Variants in NXN observed in about 807,000 individuals in gnomAD.
NXN encodes the protein nucleoredoxin 1.
A neutral mutation model predicts 48.6 loss-of-function variants in NXN; 16 were observed. That is an observed-to-expected ratio of 0.33 (90% CI 0.22 to 0.50). NXN has a LOEUF of 0.50. NXN is among the 20% of genes least tolerant of loss of function. NXN has a pLI of 0.98. For synonymous variants in NXN, 281 were observed against 269.6 expected, an observed-to-expected ratio of 1.04 and a Z score of -0.41; for missense variants, 492 against 605.5, an observed-to-expected ratio of 0.81 and a Z score of 1.97.
rs531449441 is a variant in NXN, at chr17:963,430, C to T, written c.360+15889G>A. Among the ~76,000 whole-genome samples, 11 of 152,000 alleles carry T rather than the reference C, an allele frequency of 7.2e-5. No individual in the cohort carries two copies. The South Asian group carries it at 1.9e-3, about 26-fold the overall frequency. ...CCAGCTTGGGCAAAATAGTGAAACCCTCCTCTACAAAAAATAAAAACATCA... is the reference window on the plus strand; with the variant it reads ...CCAGCTTGGGCAAAATAGTGAAACCTTCCTCTACAAAAAATAAAAACATCA... On this transcript the variant is annotated intron_variant, in intron 1 of 7. Coordinates refer to ENST00000336868, the MANE Select transcript of NXN (RefSeq NM_022463.5).
intron 1 of NXN, among the ~76,000 whole-genome samples, chr17:853,655 C>A (rs2067949137): frequency 6.6e-6 from 1 of 150,482 alleles, no homozygotes; most frequent in Non-Finnish European, 1.5e-5. Context: ...CATGTCCAAG[C>A]CCTAGTACTC....
chr17:922,559 C>G (rs1055305915), intron 1 of NXN, among the ~76,000 whole-genome samples: 1 of 152,190 alleles, frequency 6.6e-6, no homozygotes, highest in Admixed American at 6.5e-5. Flanking sequence ...CCCAGTTAGC[C>G]TGAGGTACAG....
chr17:883,599 G>GA (rs2068309163), intron 1 of NXN, among the ~76,000 whole-genome samples: 1 of 152,246 alleles, frequency 6.6e-6, no homozygotes, highest in Non-Finnish European at 1.5e-5. Flanking sequence ...TCTCCATGAA[G>GA]CCAGGTCGAT....
chr17:946,548 C>T (rs1456555498), intron 1 of NXN, among the ~76,000 whole-genome samples: 1 of 152,208 alleles, frequency 6.6e-6, no homozygotes, highest in Non-Finnish European at 1.5e-5. Flanking sequence ...AGTGGGTGTG[C>T]TCAAGACCTG....
intron 5 of NXN, among the ~76,000 whole-genome samples, chr17:816,288 C>A (rs1912468346): frequency 6.6e-6 from 1 of 152,138 alleles, no homozygotes; most frequent in African/African-American, 2.4e-5. Context: ...AAGTACAACC[C>A]ATGTATTTTT....
intron 1 of NXN, among the ~76,000 whole-genome samples, chr17:851,669 C>T (rs1294148584): frequency 3.3e-5 from 5 of 152,208 alleles, no homozygotes; most frequent in South Asian, 2.1e-4. Context: ...TTACAATTTG[C>T]GCCCTCCTCA....
chr17:859,379 T>G (rs2068019122), intron 1 of NXN, among the ~76,000 whole-genome samples: 1 of 152,132 alleles, frequency 6.6e-6, no homozygotes, highest in Non-Finnish European at 1.5e-5. Context: ...TAGGGGAAAT[T>G]TTTGGTTTGG....
chr17:972,566 C>T (rs780105211), intron 1 of NXN, among the ~76,000 whole-genome samples: 36 of 152,200 alleles, frequency 2.4e-4, no homozygotes, highest in Non-Finnish European at 4.3e-4. Context: ...AAGGATCCCA[C>T]CTAGTTCACA....
chr17:970,459 A>G (rs1223359107), intron 1 of NXN, among the ~76,000 whole-genome samples: 3 of 152,062 alleles, frequency 2.0e-5, no homozygotes, highest in Admixed American at 6.5e-5. Context: ...CCCTTAGAAA[A>G]AAAAACACCA....
intron 1 of NXN, among the ~76,000 whole-genome samples, chr17:844,568 G>A (rs2067839001): frequency 6.6e-6 from 1 of 152,092 alleles, no homozygotes; most frequent in African/African-American, 2.4e-5. Context: ...TACGTACAAG[G>A]TTTCTTTTTT....
chr17:916,709 C>G (rs1177354466), intron 1 of NXN, among the ~76,000 whole-genome samples: 1 of 152,134 alleles, frequency 6.6e-6, no homozygotes, highest in African/African-American at 2.4e-5. Flanking sequence ...GAGGCCGAGG[C>G]AGGTGGATCA....
intron 1 of NXN, chr17:908,166 GAGCT>G (rs1567857898): frequency 1.2e-4 from 18 of 151,486 alleles, no homozygotes; most frequent in East Asian, 1.2e-3. Context: ...CAGTAGGGGT[GAGCT>G]ATAAAGGAAG....
In NXN at chr17:956,948, G is replaced by C. The variant is rs931837784; in HGVS notation, c.360+22371C>G. Among the ~76,000 whole-genome samples the C allele has an allele frequency of 3.9e-5, 6 of 152,030 alleles. No individual in the cohort carries two copies. The highest frequency in any genetic ancestry group is 8.8e-5 in the Non-Finnish European group (6 of 68,014). On this transcript the variant is annotated intron_variant, in intron 1 of 7. Transcript: ENST00000336868. The surrounding 1 kb of genome is among the most constrained non-coding windows in gnomAD (Gnocchi z 4.1). ...CCAGCCCTTTTAGAACCAATACCAT[G>C]GTCATCACCCAGAAAAAACTCTAAA...
At chr17:948,493 C>G (rs2069070838) in intron 1 of NXN, among the ~76,000 whole-genome samples, 1 of 152,108 alleles carries the variant, frequency 6.6e-6, no homozygotes, top group Non-Finnish European at 1.5e-5. Flanking sequence ...CTGGGACCAC[C>G]TGCCCACAGG....
rs571227018 is a variant in NXN at position 823,040 on chromosome 17, C to T, written c.613-583G>A. 3.3e-5 allele frequency among the ~76,000 whole-genome samples: 5 copies of T among 151,036 alleles called. No individual in the cohort carries two copies. In the East Asian group the frequency reaches 5.8e-4, roughly 18 times the overall value. On this transcript the variant is annotated intron_variant, in intron 3 of 7. Transcript: ENST00000336868. ...ACTTGAACCCGGGAGACAGAGGGTG[C>T]GGTGAGTTGAGATTGTGCCACTGCA...
At chr17:807,451 C>T (rs1336167889) in intron 5 of NXN, among the ~76,000 whole-genome samples, 4 of 152,194 alleles carry the variant, frequency 2.6e-5, no homozygotes, top group Non-Finnish European at 5.9e-5. Context: ...GCAAAGCTGC[C>T]CATTTCCCGG....
At chr17:834,517 T>C (rs1913678953) in intron 1 of NXN, among the ~76,000 whole-genome samples, 1 of 152,028 alleles carries the variant, frequency 6.6e-6, no homozygotes, top group Non-Finnish European at 1.5e-5. Context: ...TGGGTTTAAG[T>C]GATTCTCCTG....
intron 1 of NXN, among the ~76,000 whole-genome samples, chr17:851,976 GGA>G (rs1451683758): frequency 2.7e-4 from 41 of 152,310 alleles, no homozygotes; most frequent in African/African-American, 9.6e-4. Flanking sequence ...GACTTGAAAT[GGA>G]GAGTGGAAAA....
intron 1 of NXN, among the ~76,000 whole-genome samples, chr17:906,572 GTT>G (rs150140562): frequency 4.8e-4 from 70 of 145,908 alleles, no homozygotes; most frequent in Non-Finnish European, 5.8e-4. Flanking sequence ...TGGTTTCTGG[GTT>G]TTTTTTTTTT....
Sources: allele counts gnomAD v4.1 joint callset (sites outside exome capture counted in the v4.1 genomes callset), GRCh38; gene constraint gnomAD v4.1.1; non-coding constraint Gnocchi (gnomAD v3.1); transcripts MANE v1.5; gene names NCBI Gene and HGNC (gene_info 2026-07-23, HGNC 2026-07-21).